Variants in SPAG16 observed in about 807,000 individuals in gnomAD.
SPAG16 encodes sperm associated antigen 16.
A neutral mutation model predicts 80.4 loss-of-function variants in SPAG16; 86 were observed. The ratio of observed to expected loss-of-function variants is 1.07; its 90% confidence interval spans 0.90 to 1.28. The LOEUF (loss-of-function observed/expected upper bound fraction) is 1.28, where lower values mean the gene tolerates loss of function less well. Ranked by LOEUF, SPAG16 falls within the 50% of genes most tolerant of loss-of-function variation. SPAG16 has a pLI of 0.00. For synonymous variants in SPAG16, 294 were observed against 265.9 expected (o/e 1.11, Z -1.03); for missense variants, 870 against 765.3 (o/e 1.14, Z -1.61).
chr2:214,151,665 T>C (rs916001035), intron 15 of SPAG16, among the ~76,000 whole-genome samples: 4 of 152,084 alleles, frequency 2.6e-5, no homozygotes, highest in African/African-American at 9.7e-5. Flanking sequence ...CTCACATTAG[T>C]TATGTCTAAC....
At chr2:213,510,107 G>T in intron 10 of SPAG16, among the ~76,000 whole-genome samples, 1 of 152,108 alleles carries the variant, frequency 6.6e-6, no homozygotes, top group East Asian at 1.9e-4. Flanking sequence ...CTGGATAAAT[G>T]ATTTTTACTA....
At chr2:213,610,355 A>G (rs2061402093) in intron 10 of SPAG16, among the ~76,000 whole-genome samples, 1 of 152,134 alleles carries the variant, frequency 6.6e-6, no homozygotes, top group African/African-American at 2.4e-5. Flanking sequence ...TAATGTAGGA[A>G]AGATTGACTG....
intron 12 of SPAG16, among the ~76,000 whole-genome samples, chr2:213,942,488 T>A (rs1167945635): frequency 6.6e-6 from 1 of 152,216 alleles, no homozygotes; most frequent in Non-Finnish European, 1.5e-5. Context: ...ACCAAATCCA[T>A]CAATGATTTA....
chr2:214,054,970 A>G (rs2049860157), intron 13 of SPAG16, among the ~76,000 whole-genome samples: 1 of 152,138 alleles, frequency 6.6e-6, no homozygotes. Flanking sequence ...TAACACCACC[A>G]CTGTATAAAA....
At chr2:214,314,210 C>T (rs1048810795) in intron 15 of SPAG16, among the ~76,000 whole-genome samples, 1 of 152,022 alleles carries the variant, frequency 6.6e-6, no homozygotes, top group African/African-American at 2.4e-5. Flanking sequence ...GAATTATTAC[C>T]ATCCCATGAA....
chr2:213,836,693 C>T (rs988976288), intron 10 of SPAG16, among the ~76,000 whole-genome samples: 5 of 151,944 alleles, frequency 3.3e-5, no homozygotes, highest in African/African-American at 4.8e-5. Flanking sequence ...GCTCCTGCAA[C>T]CTCTGCCTCC....
At chr2:213,585,936 T>C (rs918341370) in intron 10 of SPAG16, among the ~76,000 whole-genome samples, 1 of 152,142 alleles carries the variant, frequency 6.6e-6, no homozygotes, top group Non-Finnish European at 1.5e-5. Context: ...CCCTCCTCCT[T>C]CTTTTTTTTT....
chr2:214,256,737 A>C (rs960077160), intron 15 of SPAG16, among the ~76,000 whole-genome samples: 3 of 151,912 alleles, frequency 2.0e-5, no homozygotes, highest in African/African-American at 7.2e-5. Context: ...TGTATATATG[A>C]GTCTACTTTC....
chr2:214,380,369 A>G (rs914704837), intron 15 of SPAG16, among the ~76,000 whole-genome samples: 1 of 152,226 alleles, frequency 6.6e-6, no homozygotes, highest in Non-Finnish European at 1.5e-5. Context: ...AACAATTTTC[A>G]GAAATGCTTC....
chr2:213,557,964 A>C (rs2059481618), intron 10 of SPAG16, among the ~76,000 whole-genome samples: 1 of 152,318 alleles, frequency 6.6e-6, no homozygotes, highest in African/African-American at 2.4e-5. Context: ...TGTTCATTAT[A>C]GGCATTTTGT....
chr2:214,118,467 G>C (rs774821911), intron 14 of SPAG16, among the ~76,000 whole-genome samples: 28 of 152,244 alleles, frequency 1.8e-4, no homozygotes, highest in Non-Finnish European at 3.7e-4. Flanking sequence ...AAGGAAAGAG[G>C]TTTAATTGAC....
intron 11 of SPAG16, among the ~76,000 whole-genome samples, chr2:213,875,939 A>G (rs1350188994): frequency 7.5e-6 from 1 of 132,774 alleles, no homozygotes; most frequent in Admixed American, 8.1e-5. Context: ...TTATTTTGAA[A>G]CATTTGGGAA....
intron 9 of SPAG16, among the ~76,000 whole-genome samples, chr2:213,396,327 A>G (rs2068031004): frequency 6.6e-6 from 1 of 152,250 alleles, no homozygotes; most frequent in African/African-American, 2.4e-5. Context: ...GTGAATGAAC[A>G]TAGTTTATCT....
intron 11 of SPAG16, among the ~76,000 whole-genome samples, chr2:213,866,711 T>TA (rs1317061490): frequency 6.6e-6 from 1 of 152,148 alleles, no homozygotes; most frequent in East Asian, 1.9e-4. Context: ...ACCAACCAGG[T>TA]AAAAATGTAG....
chr2:213,620,281 GTTTTTTTTTTT>G (rs36059669), intron 10 of SPAG16, among the ~76,000 whole-genome samples: 4 of 82,822 alleles, frequency 4.8e-5, no homozygotes, highest in South Asian at 4.4e-4. Context: ...AATTTATTGA[GTTTTTTTTTTT>G]TTTTTTTTTT....
chr2:213,441,359 T>G (rs1189896126), intron 9 of SPAG16, among the ~76,000 whole-genome samples: 1 of 152,212 alleles, frequency 6.6e-6, no homozygotes, highest in Non-Finnish European at 1.5e-5. Context: ...ATGTCTTCTA[T>G]ACGCATAGTA....
At chr2:214,144,644 C>T (rs1161955666) in intron 14 of SPAG16, among the ~76,000 whole-genome samples, 1 of 152,056 alleles carries the variant, frequency 6.6e-6, no homozygotes, top group Non-Finnish European at 1.5e-5. Context: ...TGCAGTATAA[C>T]TCTTTGACAA....
intron 15 of SPAG16, among the ~76,000 whole-genome samples, chr2:214,242,675 C>T (rs138641896): frequency 5.8e-4 from 89 of 152,146 alleles, no homozygotes; most frequent in African/African-American, 2.1e-3. Flanking sequence ...TAACACTGAA[C>T]AAGTTAATAT....
At chr2:213,540,356 C>A (rs77026735) in intron 10 of SPAG16, among the ~76,000 whole-genome samples, 12,014 of 152,060 alleles carry the variant, frequency 0.079, 1,167 homozygotes, top group African/African-American at 0.23. Flanking sequence ...GGCCCAAAAA[C>A]AATCATTGTA....
Sources: gnomAD v4.1 joint callset for allele counts (sites outside exome capture counted in the v4.1 genomes callset) on GRCh38, gnomAD v4.1.1 for gene constraint, MANE v1.5 for transcripts, NCBI Gene and HGNC (gene_info 2026-07-23, HGNC 2026-07-21) for gene names.